Variants in HSD17B12 observed in about 807,000 individuals in gnomAD.
HSD17B12 encodes hydroxysteroid 17-beta dehydrogenase 12, also known as very-long-chain 3-oxoacyl-CoA reductase.
A neutral mutation model predicts 39.3 loss-of-function variants in HSD17B12; 32 were observed. The ratio of observed to expected loss-of-function variants is 0.81; its 90% CI spans 0.61 to 1.09. The LOEUF is 1.09. Ranked by LOEUF, HSD17B12 falls within the 50% of genes least tolerant of loss-of-function variation. HSD17B12 has a pLI of 0.00. For missense variants in HSD17B12, 342 were observed against 382.9 expected, an observed-to-expected ratio of 0.89 and a Z score of 0.89; for synonymous variants, 150 against 146.7, an observed-to-expected ratio of 1.02 and a Z score of -0.16.
chr11:43,582,871 C>T, the HSD17B12 span, among the ~76,000 whole-genome samples: 3 of 152,266 alleles, frequency 2.0e-5, no homozygotes, highest in East Asian at 5.8e-4. Flanking sequence ...TTTTCCCTCC[C>T]TGAATACGTT....
At chr11:43,752,284 G>A (rs568795711) in intron 2 of HSD17B12, among the ~76,000 whole-genome samples, 22 of 152,194 alleles carry the variant, frequency 1.4e-4, no homozygotes, top group Non-Finnish European at 2.6e-4. Context: ...GATTATAAAC[G>A]TAATTAATAA....
intron 1 of HSD17B12, chr11:43,719,158 A>G (rs1950153174): frequency 2.7e-6 from 2 of 753,998 alleles, no homozygotes; most frequent in Non-Finnish European, 4.9e-6. Context: ...CTTAGTCCAG[A>G]TGGCTAATTC....
At chr11:43,844,526 G>C (rs1255596929) in intron 9 of HSD17B12, among the ~76,000 whole-genome samples, 1 of 150,784 alleles carries the variant, frequency 6.6e-6, no homozygotes, top group Non-Finnish European at 1.5e-5. Context: ...GATGAGGACT[G>C]TTTGTTCTCA....
At chr11:43,663,471 G>A in the HSD17B12 span, among the ~76,000 whole-genome samples, 260 of 152,186 alleles carry the variant, frequency 1.7e-3, no homozygotes, top group African/African-American at 6.1e-3. Flanking sequence ...GCCTCAAGCA[G>A]TCCTCTTGCA....
chr11:43,604,324 T>G, the HSD17B12 span, among the ~76,000 whole-genome samples: 1 of 152,232 alleles, frequency 6.6e-6, no homozygotes, highest in Non-Finnish European at 1.5e-5. Context: ...TAATTTTCAG[T>G]TAAGCTAGAT....
chr11:43,680,859 T>C lies in HSD17B12; in HGVS notation c.32T>C (p.Leu11Pro). The change falls in exon 1 of 11, where the codon CTG (leucine) becomes CCG (proline). Residue 11 changes from leucine to proline, a missense_variant. By Grantham distance (98) the Leu-to-Pro change is moderately conservative. Transcript: ENST00000278353. MESALPAAGF[L>P]YWVGAGTVAY... ...AGCGCTCTCCCCGCCGCCGGCTTCC[T>C]GTACTGGGTCGGCGCGGGCACCGTG... 1 of 1,614,130 alleles carries C rather than the reference T, an allele frequency of 6.2e-7. No homozygotes were observed. Among genetic ancestry groups the C allele is most frequent in the South Asian group, 1.1e-5 (1 of 91,088 alleles).
intron 1 of HSD17B12, among the ~76,000 whole-genome samples, chr11:43,690,238 A>T (rs1199620784): frequency 6.6e-6 from 1 of 151,260 alleles, no homozygotes. Flanking sequence ...TTAGAATGTG[A>T]GCACTGTAAG....
At chr11:43,557,023 G>C in the HSD17B12 span, 1 of 152,174 alleles carries the variant, frequency 6.6e-6, no homozygotes, top group Non-Finnish European at 1.5e-5. Flanking sequence ...GTCAGTTGGT[G>C]AATGTTTGGA....
intron 1 of HSD17B12, among the ~76,000 whole-genome samples, chr11:43,687,719 C>G (rs1046113096): frequency 4.6e-5 from 7 of 152,156 alleles, no homozygotes; most frequent in African/African-American, 1.7e-4. Context: ...GGGCCTTCAG[C>G]CTTTATCCTG....
chr11:43,565,500 G>C, the HSD17B12 span, among the ~76,000 whole-genome samples: 1 of 152,294 alleles, frequency 6.6e-6, no homozygotes, highest in African/African-American at 2.4e-5. Flanking sequence ...GGTGAACAGA[G>C]CCTAGCATAG....
At chr11:43,596,425 C>A in the HSD17B12 span, among the ~76,000 whole-genome samples, 1 of 151,814 alleles carries the variant, frequency 6.6e-6, no homozygotes, top group Non-Finnish European at 1.5e-5. Context: ...CTTTTTTCTT[C>A]TTTTTTGTTA....
intron 2 of HSD17B12, among the ~76,000 whole-genome samples, chr11:43,752,890 T>C (rs1187708845): frequency 6.6e-6 from 1 of 152,160 alleles, no homozygotes; most frequent in Non-Finnish European, 1.5e-5. Context: ...TCGCAAATCA[T>C]CACCAACCTT....
At chr11:43,605,742 G>A in the HSD17B12 span, among the ~76,000 whole-genome samples, 1 of 152,106 alleles carries the variant, frequency 6.6e-6, no homozygotes, top group Non-Finnish European at 1.5e-5. Context: ...GTATACCAGA[G>A]GATATAAAGT....
At chr11:43,851,775 A>G (rs1002277178) in intron 9 of HSD17B12, among the ~76,000 whole-genome samples, 1 of 152,196 alleles carries the variant, frequency 6.6e-6, no homozygotes, top group Non-Finnish European at 1.5e-5. Context: ...CCAAGCCTTC[A>G]TGGAGCTTGT....
intron 4 of HSD17B12, among the ~76,000 whole-genome samples, chr11:43,799,206 G>C (rs1013104602): frequency 6.6e-6 from 1 of 151,058 alleles, no homozygotes; most frequent in Non-Finnish European, 1.5e-5. Context: ...GTATAGATCC[G>C]ATTATGTACT....
At chr11:43,784,432 T>A (rs72892476) in intron 3 of HSD17B12, among the ~76,000 whole-genome samples, 7,258 of 148,918 alleles carry the variant, frequency 0.049, 226 homozygotes, top group East Asian at 0.11. Flanking sequence ...TTTCCTCCTG[T>A]CTTATAAACT....
chr11:43,809,845 A>T (rs1951053997), intron 4 of HSD17B12, among the ~76,000 whole-genome samples: 1 of 152,168 alleles, frequency 6.6e-6, no homozygotes, highest in African/African-American at 2.4e-5. Flanking sequence ...TAAGCAAATA[A>T]ATAAATAAGA....
At chr11:43,743,549 A>T (rs1408338456) in intron 1 of HSD17B12, among the ~76,000 whole-genome samples, 1 of 152,204 alleles carries the variant, frequency 6.6e-6, no homozygotes. Flanking sequence ...GACTCAGGGA[A>T]ATTAAGCAGC....
the HSD17B12 span, among the ~76,000 whole-genome samples, chr11:43,589,141 A>C: frequency 1.3e-5 from 2 of 152,318 alleles, no homozygotes; most frequent in East Asian, 1.9e-4. Context: ...AATATGTAAC[A>C]CTATTTGCTA....
Sources: allele counts gnomAD v4.1 joint callset (sites outside exome capture counted in the v4.1 genomes callset), GRCh38; gene constraint gnomAD v4.1.1; transcripts MANE v1.5; gene names NCBI Gene and HGNC (gene_info 2026-07-23, HGNC 2026-07-21).